The following NETO1 variants were observed in gnomAD, a reference collection of about 807,000 sequenced individuals.
The protein encoded by NETO1 is neuropilin and tolloid-like protein 1.
A neutral mutation model predicts 61.3 loss-of-function variants in NETO1; 26 were observed. The ratio of observed to expected loss-of-function variants is 0.42; its 90% confidence interval spans 0.31 to 0.59. NETO1 has a LOEUF of 0.59. NETO1 is among the 20% of genes least tolerant of loss of function. The pLI is 0.12. For missense variants in NETO1, 531 were observed against 662.8 expected (o/e 0.80, Z 2.18); for synonymous variants, 225 against 225.8 (o/e 1.00, Z 0.03).
intron 7 of NETO1, among the ~76,000 whole-genome samples, chr18:72,766,207 GA>G (rs1272001676): frequency 1.1e-3 from 129 of 119,210 alleles, no homozygotes; most frequent in Middle Eastern, 4.0e-3. Flanking sequence ...CTCAGTCTCA[GA>G]AAAAAAAAAA....
intron 7 of NETO1, among the ~76,000 whole-genome samples, chr18:72,776,518 T>A (rs1387088782): frequency 1.3e-5 from 2 of 152,188 alleles, no homozygotes; most frequent in Non-Finnish European, 2.9e-5. Context: ...AATTTACTTC[T>A]CACTGTTTTG....
At chr18:72,800,121 G>C (rs73471815) in intron 4 of NETO1, among the ~76,000 whole-genome samples, 3,140 of 152,316 alleles carry the variant, frequency 0.021, 88 homozygotes, top group East Asian at 0.089. Context: ...GCTTTCAGAA[G>C]AGCTTGAGTG....
chr18:72,809,487 AT>A (rs2072791647), intron 4 of NETO1, among the ~76,000 whole-genome samples: 1 of 152,170 alleles, frequency 6.6e-6, no homozygotes, highest in Non-Finnish European at 1.5e-5. Flanking sequence ...AAGCAGTAGT[AT>A]TTGCACGTAT....
intron 4 of NETO1, among the ~76,000 whole-genome samples, chr18:72,817,922 C>T (rs1178427158): frequency 6.6e-6 from 1 of 152,184 alleles, no homozygotes; most frequent in Non-Finnish European, 1.5e-5. Flanking sequence ...TTGTTTCTGA[C>T]CAACGGCCAG....
intron 7 of NETO1, among the ~76,000 whole-genome samples, chr18:72,781,681 ACTGT>A (rs1211011535): frequency 2.6e-5 from 4 of 152,228 alleles, no homozygotes; most frequent in Non-Finnish European, 4.4e-5. Context: ...ATGCAAAATA[ACTGT>A]CTAACACACT....
At chr18:72,820,559 T>A (rs936085317) in intron 4 of NETO1, among the ~76,000 whole-genome samples, 10 of 152,244 alleles carry the variant, frequency 6.6e-5, no homozygotes, top group Admixed American at 5.9e-4. Flanking sequence ...GTAAAAGGTA[T>A]CACCTTGACT....
At chr18:72,858,449 G>A (rs1283041865) in intron 4 of NETO1, among the ~76,000 whole-genome samples, 1 of 152,114 alleles carries the variant, frequency 6.6e-6, no homozygotes, top group Non-Finnish European at 1.5e-5. Flanking sequence ...GTTCCCCAAA[G>A]ATCATTTTGG....
chr18:72,748,419 G>T, intron 10 of NETO1: 1 of 356,968 alleles, frequency 2.8e-6, no homozygotes, highest in Non-Finnish European at 3.9e-6. Context: ...TGTACACGTA[G>T]ACAACTGGGA....
At chr18:72,765,405 A>G (rs111992013) in intron 7 of NETO1, among the ~76,000 whole-genome samples, 16 of 151,902 alleles carry the variant, frequency 1.1e-4, no homozygotes, top group Non-Finnish European at 2.9e-5. Context: ...CAGACTATAT[A>G]TCACAATAAA....
intron 4 of NETO1, among the ~76,000 whole-genome samples, chr18:72,818,634 C>T (rs889503508): frequency 6.6e-6 from 1 of 152,058 alleles, no homozygotes; most frequent in African/African-American, 2.4e-5. Context: ...AAGTCAAGCA[C>T]GAGACATTTT....
At chr18:72,790,242 T>C (rs932276671) in intron 6 of NETO1, among the ~76,000 whole-genome samples, 19 of 152,166 alleles carry the variant, frequency 1.2e-4, no homozygotes, top group East Asian at 7.7e-4. Flanking sequence ...TGTGAAGTGA[T>C]AGATTTGTTA....
intron 7 of NETO1, among the ~76,000 whole-genome samples, chr18:72,776,129 A>G (rs2071538442): frequency 6.6e-6 from 1 of 152,166 alleles, no homozygotes; most frequent in Non-Finnish European, 1.5e-5. Flanking sequence ...GCTTTGGGCG[A>G]GGGATCTCAT....
At chr18:72,791,511 A>G (rs1052742737) in intron 6 of NETO1, among the ~76,000 whole-genome samples, 5 of 152,242 alleles carry the variant, frequency 3.3e-5, no homozygotes, top group African/African-American at 9.6e-5. Flanking sequence ...CTGTTACAAT[A>G]GAGCCATCTT....
intron 4 of NETO1, among the ~76,000 whole-genome samples, chr18:72,832,884 G>T (rs967918683): frequency 6.6e-6 from 1 of 152,058 alleles, no homozygotes; most frequent in Non-Finnish European, 1.5e-5. Context: ...TGAACAGACA[G>T]ATACACTTTA....
intron 3 of NETO1, among the ~76,000 whole-genome samples, chr18:72,863,667 A>G (rs1224808004): frequency 1.3e-5 from 2 of 152,172 alleles, no homozygotes; most frequent in African/African-American, 2.4e-5. Flanking sequence ...CAAAAAAAAA[A>G]TCATTTCTAA....
chr18:72,801,721 G>A (rs2072513221), intron 4 of NETO1, among the ~76,000 whole-genome samples: 1 of 152,060 alleles, frequency 6.6e-6, no homozygotes, highest in African/African-American at 2.4e-5. Flanking sequence ...GCTTTATTTT[G>A]TAAATCTATT....
chr18:72,835,182 C>A, intron 4 of NETO1: 1 of 1,324,948 alleles, frequency 7.5e-7, no homozygotes, highest in South Asian at 2.4e-5. Flanking sequence ...AATCGTGGTG[C>A]ACCTGGAGAT....
chr18:72,750,378 C>T lies in NETO1; in HGVS notation c.1225G>A (p.Asp409Asn). The T allele has an allele frequency of 6.2e-7, 1 of 1,614,112 alleles. No individual in the cohort carries two copies. Among genetic ancestry groups the T allele is most frequent in the South Asian group, 1.1e-5 (1 of 91,080 alleles). The change falls in exon 9 of 11, where the codon GAT (aspartate) becomes AAT (asparagine). Residue 409 changes from aspartate to asparagine, a missense_variant. Transcript: ENST00000327305. ...RGTGATADFADVADDFENYHK... is the reference protein window; with the variant it reads ...RGTGATADFANVADDFENYHK... Reference sequence around the variant, plus strand: ...TAATTTTCAAAGTCATCTGCCACATCTGCAAAGTCAGCTGTAGCTCCTGTC... The same window carrying T: ...TAATTTTCAAAGTCATCTGCCACATTTGCAAAGTCAGCTGTAGCTCCTGTC...
At chr18:72,762,332 A>G (rs1183370400) in intron 7 of NETO1, among the ~76,000 whole-genome samples, 1 of 152,128 alleles carries the variant, frequency 6.6e-6, no homozygotes, top group Non-Finnish European at 1.5e-5. Context: ...GGCTAAACTG[A>G]GAATACACTT....
Sources: allele counts gnomAD v4.1 joint callset (sites outside exome capture counted in the v4.1 genomes callset), GRCh38; gene constraint gnomAD v4.1.1; transcripts MANE v1.5; gene names NCBI Gene and HGNC (gene_info 2026-07-23, HGNC 2026-07-21).